The following KRTCAP3 variants were observed in gnomAD, a reference collection of about 807,000 sequenced individuals.
KRTCAP3 encodes the protein keratinocyte-associated protein 3.
Under a neutral mutation model 20.5 loss-of-function variants are expected in KRTCAP3, and 18 were observed. The observed-to-expected ratio is 0.88, with a 90% CI of 0.61 to 1.31. The LOEUF (loss-of-function observed/expected upper bound fraction) is 1.31, where lower values mean the gene tolerates loss of function less well. Ranked by LOEUF, KRTCAP3 falls within the 50% of genes most tolerant of loss-of-function variation. KRTCAP3 has a pLI of 0.00. For missense variants in KRTCAP3, 347 were observed against 310.4 expected, an observed-to-expected ratio of 1.12 and a Z score of -0.89; for synonymous variants, 167 against 133.7, an observed-to-expected ratio of 1.25 and a Z score of -1.72.
chr2:27,446,129 A>G, downstream of KRTCAP3: 1 of 1,321,804 alleles, frequency 7.6e-7, no homozygotes, highest in South Asian at 1.2e-5. Context: ...ATCCAGGAAG[A>G]CATAGGAGGA....
At chr2:27,445,293 T>C (rs1664957671), downstream of KRTCAP3, 5 of 1,610,862 alleles carry the variant, frequency 3.1e-6, no homozygotes, top group African/African-American at 1.3e-5. This position sits in a 1 kb window ranked among gnomAD's most constrained non-coding sequence, Gnocchi z 4.4. Context: ...TAGGCTTCTA[T>C]ACCTGTAATA....
At chr2:27,446,012 T>C, downstream of KRTCAP3, 2 of 1,614,020 alleles carry the variant, frequency 1.2e-6, no homozygotes, top group Non-Finnish European at 8.5e-7. Flanking sequence ...GAGTTGCAAA[T>C]GGGAGTGAAC....
chr2:27,445,581 T>C (rs981957424), downstream of KRTCAP3: 8 of 1,293,644 alleles, frequency 6.2e-6, no homozygotes, highest in Admixed American at 1.2e-4. The surrounding 1 kb of genome is among the most constrained non-coding windows in gnomAD (Gnocchi z 4.4). Flanking sequence ...CCTCCTTGGA[T>C]TGGGGGATGC....
chr2:27,445,196 CTGTCT>C (rs1337263887), downstream of KRTCAP3: 5 of 1,591,476 alleles, frequency 3.1e-6, no homozygotes, highest in African/African-American at 6.7e-5. This position sits in a 1 kb window ranked among gnomAD's most constrained non-coding sequence, Gnocchi z 4.4. Context: ...AAGCACAGTC[CTGTCT>C]TTTGTACCCT....
chr2:27,443,447 A>T lies in KRTCAP3; in HGVS notation c.530A>T (p.Glu177Val). 6.2e-7 allele frequency: 1 copy of T among 1,613,874 alleles called. No homozygotes were observed. The highest frequency in any genetic ancestry group is 8.5e-7 in the Non-Finnish European group (1 of 1,179,978). The change falls in exon 5 of 7, where the codon GAG becomes GTG. Residue 177 changes from glutamate to valine, a missense_variant. Glu to Val is a moderately radical substitution (Grantham distance 121). Transcript: ENST00000288873. ...CCTTCTTTGCTCATGTCTGCAGGGG[A>T]GGCTGCTCTATCTGGTTACTGCTGT... ...WIPSLLMSAG[E>V]AALSGYCCVA...
At chr2:27,446,206 T>G, downstream of KRTCAP3, 1 of 1,562,040 alleles carries the variant, frequency 6.4e-7, no homozygotes, top group Non-Finnish European at 8.8e-7. Flanking sequence ...GATATTCTAT[T>G]TTCCAACCTT....
downstream of KRTCAP3, chr2:27,445,169 G>A: frequency 6.2e-7 from 1 of 1,602,334 alleles, no homozygotes; most frequent in Non-Finnish European, 8.5e-7. The surrounding 1 kb of genome is among the most constrained non-coding windows in gnomAD (Gnocchi z 4.4). Flanking sequence ...AAAATGAGGA[G>A]CAGCCTGGGG....
intron 5 of KRTCAP3, 30 bp downstream of exon 5, chr2:27,443,562 C>G (rs1553319622): frequency 6.2e-7 from 1 of 1,612,722 alleles, no homozygotes. Context: ...AGGGTTCATT[C>G]CACAGAGACT....
Position 27,442,382 on chromosome 2 carries a change from C to CAGCG in KRTCAP3, c.-30_-27dup, listed in dbSNP as rs950851910. On this transcript the variant is annotated 5_prime_UTR_variant, in exon 1 of 7. Transcript: ENST00000288873. ...GTTGGGGCGGGGCCGGGCCCAGGTACAGCGGCCCTGCGGCTGGCGCGGCGG... is the reference window on the plus strand; with the variant it reads ...GTTGGGGCGGGGCCGGGCCCAGGTACAGCGAGCGGCCCTGCGGCTGGCGCGGCGG... 1 of 1,543,502 alleles carries CAGCG rather than the reference C, an allele frequency of 6.5e-7. No individual in the cohort carries two copies. Among genetic ancestry groups the CAGCG allele is most frequent in the African/African-American group, 1.4e-5 (1 of 71,468 alleles).
Position 27,442,688 on chromosome 2 carries a change from C to T in KRTCAP3, c.138C>T (p.His46=), listed in dbSNP as rs564421209. The T allele has an allele frequency of 8.2e-6, 13 of 1,587,302 alleles. No homozygotes were observed. The highest frequency in any genetic ancestry group is 1.7e-4 in the Middle Eastern group (1 of 5,914). ...TGCTGCATGGCACCGTCCTGCGGCA[C>T]GTGGCCAATCCCCGCGGCGCTGTCA... ...GAVLHGTVLR[H]VANPRGAVTP... The change falls in exon 2 of 7, where the codon CAC becomes CAT. Residue 46 remains histidine, a synonymous_variant. Transcript: ENST00000288873.
rs767515899 is a variant in KRTCAP3, at chr2:27,443,492, G to C, written c.575G>C (p.Arg192Pro). 2 of 1,613,990 alleles carry C rather than the reference G, an allele frequency of 1.2e-6. No individual in the cohort carries two copies. The highest frequency in any genetic ancestry group is 3.3e-5 in the Admixed American group (2 of 59,984). The stretch of plus-strand genomic sequence containing the variant: ...TGCTGTGTGGCTGCACTCACTCTAC[G>C]TGGAGTTGGGCCCTGCAGGAAGGAC... ...GYCCVAALTL[R>P]GVGPCRKDGL... The change falls in exon 5 of 7, where the codon CGT (arginine) becomes CCT (proline). Residue 192 changes from arginine (R) to proline (P), a missense_variant. Coordinates refer to ENST00000288873, the MANE Select transcript of KRTCAP3 (RefSeq NM_173853.4).
At position 27,442,883 on chromosome 2, in the gene KRTCAP3, C is replaced by G. The variant is rs1558344203; in HGVS notation, c.255C>G (p.Asn85Lys). The change falls in exon 3 of 7, where the codon AAC becomes AAG. Residue 85 changes from asparagine to lysine, a missense_variant. Asn to Lys is a moderately conservative substitution (Grantham distance 94). Coordinates refer to ENST00000288873, the MANE Select transcript of KRTCAP3 (RefSeq NM_173853.4). ...TTGTGGCCCTCCTGGCGTCCAGGAACCTTCTTCGCCCTCCACTGGTGAGAG... is the reference window on the plus strand; with the variant it reads ...TTGTGGCCCTCCTGGCGTCCAGGAAGCTTCTTCGCCCTCCACTGGTGAGAG... ...VGLVALLASRNLLRPPLHWVL... is the reference protein window; with the variant it reads ...VGLVALLASRKLLRPPLHWVL... The G allele has an allele frequency of 6.2e-7, 1 of 1,613,062 alleles. No individual in the cohort carries two copies. The highest frequency in any genetic ancestry group is 1.1e-5 in the South Asian group (1 of 91,088).
rs769445748 is a variant in KRTCAP3, at chr2:27,442,381, A to T, written c.-32A>T. 43 of 1,543,178 alleles carry T rather than the reference A, an allele frequency of 2.8e-5. No individual in the cohort carries two copies. Among genetic ancestry groups the T allele is most frequent in the Non-Finnish European group, 3.5e-5 (40 of 1,144,766 alleles). On this transcript the variant is annotated 5_prime_UTR_variant, in exon 1 of 7. Coordinates refer to ENST00000288873, the MANE Select transcript of KRTCAP3 (RefSeq NM_173853.4). Reference sequence around the variant, plus strand: ...GGTTGGGGCGGGGCCGGGCCCAGGTACAGCGGCCCTGCGGCTGGCGCGGCG... The same window carrying T: ...GGTTGGGGCGGGGCCGGGCCCAGGTTCAGCGGCCCTGCGGCTGGCGCGGCG...
At chr2:27,445,586 G>T, downstream of KRTCAP3, 1 of 1,289,566 alleles carries the variant, frequency 7.8e-7, no homozygotes, top group Non-Finnish European at 1.1e-6. The surrounding 1 kb of genome is among the most constrained non-coding windows in gnomAD (Gnocchi z 4.4). Context: ...TTGGATTGGG[G>T]GATGCAGTCA....
downstream of KRTCAP3, chr2:27,446,314 G>T (rs786205855): frequency 6.8e-6 from 11 of 1,614,244 alleles, no homozygotes; most frequent in Non-Finnish European, 9.3e-6. Flanking sequence ...GTAGCTGGGT[G>T]TGACGCAAGA....
chr2:27,445,359 C>T (rs146575848), downstream of KRTCAP3: 17 of 1,613,206 alleles, frequency 1.1e-5, no homozygotes, highest in South Asian at 6.6e-5. The surrounding 1 kb of genome is among the most constrained non-coding windows in gnomAD (Gnocchi z 4.4). Flanking sequence ...GCCTCGTAGG[C>T]GCCACGCTCA....
chr2:27,442,865 C>T lies in KRTCAP3; in HGVS notation c.237C>T (p.Ala79=), dbSNP rs1332320883. The part of the protein sequence containing the change: ...GLLSVSVGLV[A]LLASRNLLRP... ...AGAGCGTTTCCGTGGGACTTGTGGC[C>T]CTCCTGGCGTCCAGGAACCTTCTTC... The change falls in exon 3 of 7, where the codon GCC becomes GCT. Residue 79 remains alanine, a synonymous_variant. Coordinates refer to ENST00000288873, the MANE Select transcript of KRTCAP3 (RefSeq NM_173853.4). 1 of 1,612,508 alleles carries T rather than the reference C, an allele frequency of 6.2e-7. No individual in the cohort carries two copies. Among genetic ancestry groups the T allele is most frequent in the Non-Finnish European group, 8.5e-7 (1 of 1,180,022 alleles).
chr2:27,446,205 T>C (rs1665080590), downstream of KRTCAP3: 3 of 1,559,326 alleles, frequency 1.9e-6, no homozygotes, highest in African/African-American at 4.1e-5. Flanking sequence ...GGATATTCTA[T>C]TTTCCAACCT....
chr2:27,446,056 A>G (rs1386656169), downstream of KRTCAP3: 1 of 1,582,426 alleles, frequency 6.3e-7, no homozygotes. Context: ...TCTGGGATCC[A>G]GATGCAAATG....
Sources: gnomAD v4.1 joint callset for allele counts on GRCh38, gnomAD v4.1.1 for gene constraint, Gnocchi (gnomAD v3.1) non-coding constraint, MANE v1.5 for transcripts, NCBI Gene and HGNC (gene_info 2026-07-23, HGNC 2026-07-21) for gene names.